The following GPHN variants were observed in gnomAD, a reference collection of about 807,000 sequenced individuals.
GPHN encodes the protein gephyrin.
Under a neutral mutation model 95.5 loss-of-function variants are expected in GPHN, and 17 were observed. The ratio of observed to expected loss-of-function variants is 0.18; its 90% CI spans 0.12 to 0.27. The LOEUF is 0.27. Ranked by LOEUF, GPHN falls within the 10% of genes least tolerant of loss-of-function variation. The pLI is 1.00. For synonymous variants in GPHN, 320 were observed against 322.5 expected (o/e 0.99, Z 0.08); for missense variants, 660 against 978.1 (o/e 0.67, Z 4.34).
the GPHN span, among the ~76,000 whole-genome samples, chr14:67,393,599 A>G: frequency 6.6e-6 from 1 of 151,982 alleles, no homozygotes; most frequent in Non-Finnish European, 1.5e-5. Context: ...GATTACAGAC[A>G]TTTGCCACCA....
the GPHN span, among the ~76,000 whole-genome samples, chr14:67,361,293 C>G: frequency 6.6e-6 from 1 of 152,124 alleles, no homozygotes; most frequent in Non-Finnish European, 1.5e-5. Flanking sequence ...AGTTGTTATT[C>G]AAGGAACAAT....
At chr14:66,571,026 G>A (rs116279862) in intron 1 of GPHN, among the ~76,000 whole-genome samples, 211 of 152,174 alleles carry the variant, frequency 1.4e-3, no homozygotes, top group African/African-American at 4.8e-3. Flanking sequence ...CATATCAAAC[G>A]TATGGGGTGT....
At chr14:66,745,687 G>A (rs1363543348) in intron 2 of GPHN, among the ~76,000 whole-genome samples, 1 of 151,878 alleles carries the variant, frequency 6.6e-6, no homozygotes, top group Non-Finnish European at 1.5e-5. Context: ...AGTCCACTAA[G>A]ACTTTTATTA....
At chr14:66,716,016 T>A (rs2104110) in intron 2 of GPHN, among the ~76,000 whole-genome samples, 1 of 151,762 alleles carries the variant, frequency 6.6e-6, no homozygotes, top group Admixed American at 6.6e-5. Flanking sequence ...CTGTTAAGTC[T>A]GTTTGTTCCA....
At chr14:66,602,054 A>T (rs933509916) in intron 1 of GPHN, among the ~76,000 whole-genome samples, 47 of 151,964 alleles carry the variant, frequency 3.1e-4, no homozygotes, top group African/African-American at 1.1e-3. Flanking sequence ...GAGGGCAAGA[A>T]TTGTGGCTTT....
At chr14:66,660,514 A>T (rs1194100685) in intron 1 of GPHN, among the ~76,000 whole-genome samples, 2 of 151,652 alleles carry the variant, frequency 1.3e-5, no homozygotes, top group Non-Finnish European at 2.9e-5. Context: ...AAGTTTTCTT[A>T]GTTTTTCTTC....
chr14:67,182,899 G>A (rs573679454), downstream of GPHN, among the ~76,000 whole-genome samples: 1 of 140,014 alleles, frequency 7.1e-6, no homozygotes, highest in Admixed American at 7.6e-5. Flanking sequence ...AGGATAGAGT[G>A]CAGTAGCATG....
In GPHN at chr14:67,112,749, T is replaced by G. The variant is rs17103973; in HGVS notation, c.1473-269T>G. On this transcript the variant is annotated intron_variant, in intron 15 of 22. Coordinates refer to ENST00000478722, the MANE Select transcript of GPHN (RefSeq NM_020806.5). ...AAGTAATTTTATTCACAGGTACTCA[T>G]GAAAAAAAATTTCAAATATGAAGTA... is the stretch of plus-strand genomic sequence containing the variant. 0.066 allele frequency among the ~76,000 whole-genome samples: 10,119 copies of G among 152,266 alleles called. 356 individuals carry two copies. The highest frequency in any genetic ancestry group is 0.086 in the Middle Eastern group (25 of 292).
At chr14:66,612,999 T>G (rs2153289293) in intron 1 of GPHN, among the ~76,000 whole-genome samples, 1 of 152,248 alleles carries the variant, frequency 6.6e-6, no homozygotes, top group East Asian at 1.9e-4. Context: ...GTAAAGCTGC[T>G]GTGAATATAT....
the GPHN span, among the ~76,000 whole-genome samples, chr14:67,475,923 A>T: frequency 6.6e-6 from 1 of 152,188 alleles, no homozygotes; most frequent in Non-Finnish European, 1.5e-5. Context: ...GAGGATAGTG[A>T]CTGTTGCACA....
chr14:67,647,803 G>A, the GPHN span: 1 of 491,668 alleles, frequency 2.0e-6, no homozygotes, highest in Non-Finnish European at 3.6e-6. Flanking sequence ...ATACATTGGA[G>A]TTAGTCTGTC....
chr14:67,210,245 G>A, the GPHN span, among the ~76,000 whole-genome samples: 2 of 152,136 alleles, frequency 1.3e-5, no homozygotes, highest in Non-Finnish European at 2.9e-5. Context: ...TGTCGATTTC[G>A]TGAAACAACA....
At chr14:67,489,989 CAA>C in the GPHN span, among the ~76,000 whole-genome samples, 1,195 of 139,034 alleles carry the variant, frequency 8.6e-3, 8 homozygotes, top group Non-Finnish European at 0.011. Context: ...GACTCCGTCT[CAA>C]AAAAAAAAAA....
At chr14:66,635,745 A>G (rs1027929655) in intron 1 of GPHN, among the ~76,000 whole-genome samples, 3 of 152,208 alleles carry the variant, frequency 2.0e-5, no homozygotes, top group Non-Finnish European at 4.4e-5. Context: ...TAGCACTGTG[A>G]TACTCAAAAT....
intron 1 of GPHN, among the ~76,000 whole-genome samples, chr14:66,629,962 G>C (rs2063727376): frequency 6.6e-6 from 1 of 152,098 alleles, no homozygotes; most frequent in Non-Finnish European, 1.5e-5. Context: ...ATAAGAGTAA[G>C]GACTTTTTCC....
At chr14:67,594,701 C>T in the GPHN span, among the ~76,000 whole-genome samples, 1 of 151,138 alleles carries the variant, frequency 6.6e-6, no homozygotes, top group Non-Finnish European at 1.5e-5. Context: ...CAGCAGAATA[C>T]AGGAGGGAGT....
intron 2 of GPHN, among the ~76,000 whole-genome samples, chr14:66,688,063 A>T (rs1382359324): frequency 6.6e-6 from 1 of 152,234 alleles, no homozygotes; most frequent in African/African-American, 2.4e-5. Context: ...CAATGACATA[A>T]ACAGTTGACT....
At chr14:67,075,167 A>G (rs2076449600) in intron 11 of GPHN, among the ~76,000 whole-genome samples, 1 of 152,204 alleles carries the variant, frequency 6.6e-6, no homozygotes, top group East Asian at 1.9e-4. Flanking sequence ...AGTTGAAGCC[A>G]ATACTCATTG....
the GPHN span, among the ~76,000 whole-genome samples, chr14:67,507,407 C>A: frequency 6.6e-6 from 1 of 152,018 alleles, no homozygotes; most frequent in Non-Finnish European, 1.5e-5. Flanking sequence ...GTTCTGGAGA[C>A]CCAAGTGGCA....
Sources: allele counts gnomAD v4.1 joint callset (sites outside exome capture counted in the v4.1 genomes callset), GRCh38; gene constraint gnomAD v4.1.1; transcripts MANE v1.5; gene names NCBI Gene and HGNC (gene_info 2026-07-23, HGNC 2026-07-21).